The following PITPNC1 variants were observed in gnomAD, a reference collection of about 807,000 sequenced individuals.
PITPNC1 encodes phosphatidylinositol transfer protein cytoplasmic 1.
PITPNC1 carries 18 observed loss-of-function variants against 44.7 expected under a neutral mutation model. The observed-to-expected ratio is 0.40, with a 90% confidence interval of 0.28 to 0.60. The LOEUF (loss-of-function observed/expected upper bound fraction) is 0.60, where lower values mean the gene tolerates loss of function less well. Among genes scored for constraint, PITPNC1 ranks in the 20% least tolerant of loss-of-function variants. The pLI, the probability that PITPNC1 is intolerant of heterozygous loss-of-function variation, is 0.39. For missense variants in PITPNC1, 290 were observed against 418.4 expected (o/e 0.69, Z 2.68); for synonymous variants, 141 against 149.6 (o/e 0.94, Z 0.42).
rs569928299 is a variant in PITPNC1, at chr17:67,567,485, A to G, written c.295-10701A>G. On this transcript the variant is annotated intron_variant, in intron 4 of 8. Coordinates refer to ENST00000581322, the MANE Select transcript of PITPNC1 (RefSeq NM_012417.4). ...GGCGACAGAGTGAGACTCCATCTCC[A>G]AAAAAAAAAGAAATACCTGGGCGAC... is the stretch of plus-strand genomic sequence containing the variant. Among the ~76,000 whole-genome samples the G allele has an allele frequency of 2.0e-5, 3 of 148,302 alleles. No homozygotes were observed. In the South Asian group the frequency reaches 6.4e-4, roughly 32 times the overall value.
chr17:67,687,961 G>A (rs1231368819), intron 8 of PITPNC1, among the ~76,000 whole-genome samples: 1 of 151,552 alleles, frequency 6.6e-6, no homozygotes, highest in African/African-American at 2.4e-5. Flanking sequence ...TTCAGCCAGA[G>A]CTGTGATCTC....
chr17:67,578,355 C>A, intron 5 of PITPNC1, 98 bp downstream of exon 5: 1 of 813,032 alleles, frequency 1.2e-6, no homozygotes, highest in Non-Finnish European at 2.1e-6. Flanking sequence ...GCAGTGGGAC[C>A]TGTGCCTGGG....
In PITPNC1 at chr17:67,693,495, G is replaced by T. The variant is rs2042963615; in HGVS notation, c.*607G>T. On this transcript the variant is annotated 3_prime_UTR_variant, in exon 9 of 9. Transcript: ENST00000581322. Reference sequence around the variant, plus strand: ...TAATAACTCATTTATACCTTCCACAGAATTTAATAAAGATTCTACTTGTTT... The same window carrying T: ...TAATAACTCATTTATACCTTCCACATAATTTAATAAAGATTCTACTTGTTT... The T allele has an allele frequency of 1.3e-5, 2 of 152,160 alleles. No homozygotes were observed. The highest frequency in any genetic ancestry group is 1.5e-5 in the Non-Finnish European group (1 of 68,046). 9.4% of individuals were successfully genotyped at this position (152,160 alleles called of 1,614,324 possible). A position where few individuals can be genotyped will look rare whatever the true frequency, so the allele number is the denominator to read the frequency against.
intron 6 of PITPNC1, among the ~76,000 whole-genome samples, chr17:67,658,292 T>G (rs906177428): frequency 1.3e-5 from 2 of 152,202 alleles, no homozygotes; most frequent in Admixed American, 1.3e-4. Flanking sequence ...CTCTGATTGA[T>G]CCCCACCCTT....
At chr17:67,452,556 A>G (rs1424336862) in intron 1 of PITPNC1, among the ~76,000 whole-genome samples, 2 of 139,720 alleles carry the variant, frequency 1.4e-5, no homozygotes, top group African/African-American at 5.5e-5. Flanking sequence ...CTCTGTCGCC[A>G]GGCTGGAGTC....
chr17:67,484,207 C>T (rs931138869), intron 1 of PITPNC1, among the ~76,000 whole-genome samples: 2 of 152,046 alleles, frequency 1.3e-5, no homozygotes, highest in African/African-American at 2.4e-5. Flanking sequence ...GGCGAGCCTC[C>T]ACACCCAGCC....
intron 2 of PITPNC1, among the ~76,000 whole-genome samples, chr17:67,543,772 T>C (rs889695005): frequency 1.3e-5 from 2 of 152,214 alleles, no homozygotes; most frequent in Non-Finnish European, 2.9e-5. Flanking sequence ...TGTTGATATA[T>C]AGTACATTAT....
intron 7 of PITPNC1, among the ~76,000 whole-genome samples, chr17:67,671,573 C>A (rs2042512320): frequency 6.6e-6 from 1 of 152,106 alleles, no homozygotes; most frequent in Non-Finnish European, 1.5e-5. Flanking sequence ...TCTCTTGAAC[C>A]CTCATAACTC....
At chr17:67,521,632 G>C (rs114509573) in intron 1 of PITPNC1, among the ~76,000 whole-genome samples, 1,861 of 152,016 alleles carry the variant, frequency 0.012, 45 homozygotes, top group African/African-American at 0.037. Flanking sequence ...TGAATCACAG[G>C]GCCTGGAAGA....
intron 5 of PITPNC1, among the ~76,000 whole-genome samples, chr17:67,630,973 A>G (rs1445558617): frequency 6.6e-6 from 1 of 151,668 alleles, no homozygotes; most frequent in Non-Finnish European, 1.5e-5. Flanking sequence ...CGGCCTCCCA[A>G]AGCGCTGCGA....
chr17:67,442,895 T>C (rs1316107612), intron 1 of PITPNC1, among the ~76,000 whole-genome samples: 3 of 151,964 alleles, frequency 2.0e-5, no homozygotes, highest in African/African-American at 7.2e-5. Context: ...TATTTATCTG[T>C]ATTGCTGAGG....
At chr17:67,603,579 T>G (rs2041570364) in intron 5 of PITPNC1, among the ~76,000 whole-genome samples, 1 of 152,204 alleles carries the variant, frequency 6.6e-6, no homozygotes, top group Admixed American at 6.5e-5. Flanking sequence ...AGTTTAGCCT[T>G]GGAGCACGTG....
chr17:67,477,990 C>T (rs2039653985), intron 1 of PITPNC1, among the ~76,000 whole-genome samples: 1 of 152,140 alleles, frequency 6.6e-6, no homozygotes, highest in Admixed American at 6.5e-5. Context: ...GCTGGCTTCC[C>T]CGAGGATGAG....
chr17:67,588,531 A>C (rs958566288), intron 5 of PITPNC1, among the ~76,000 whole-genome samples: 2 of 151,670 alleles, frequency 1.3e-5, no homozygotes. Flanking sequence ...TTGTCCGTCA[A>C]CTCTGCTCTG....
chr17:67,407,473 A>G (rs1420809049), intron 1 of PITPNC1, among the ~76,000 whole-genome samples: 1 of 152,102 alleles, frequency 6.6e-6, no homozygotes, highest in East Asian at 1.9e-4. Flanking sequence ...TCACTTTTTC[A>G]TAGTGACCTT....
intron 2 of PITPNC1, among the ~76,000 whole-genome samples, chr17:67,548,776 G>C (rs1300588175): frequency 2.0e-5 from 3 of 152,116 alleles, no homozygotes; most frequent in Non-Finnish European, 4.4e-5. Flanking sequence ...CTAGCCCATA[G>C]ACCAAGGAGA....
chr17:67,683,584 C>A (rs2042753519), intron 8 of PITPNC1, among the ~76,000 whole-genome samples: 1 of 152,162 alleles, frequency 6.6e-6, no homozygotes, highest in Non-Finnish European at 1.5e-5. Flanking sequence ...TTTTAGAGAA[C>A]TACTCTACTA....
At chr17:67,690,665 C>T (rs1014224845) in intron 8 of PITPNC1, among the ~76,000 whole-genome samples, 2 of 151,942 alleles carry the variant, frequency 1.3e-5, no homozygotes, top group Admixed American at 6.6e-5. Flanking sequence ...AGAAAATCCG[C>T]GGGCACTAAA....
intron 6 of PITPNC1, among the ~76,000 whole-genome samples, chr17:67,660,483 T>G (rs997464779): frequency 1.3e-5 from 2 of 151,898 alleles, no homozygotes; most frequent in African/African-American, 4.8e-5. Context: ...TATATTAGTC[T>G]TTTTCATGTA....
Sources: allele counts gnomAD v4.1 joint callset (sites outside exome capture counted in the v4.1 genomes callset), GRCh38; gene constraint gnomAD v4.1.1; transcripts MANE v1.5; gene names NCBI Gene and HGNC (gene_info 2026-07-23, HGNC 2026-07-21).